Variants in ERCC6 observed in about 807,000 individuals in gnomAD.
The protein encoded by ERCC6 is DNA excision repair protein ERCC-6.
Under a neutral mutation model 158.7 loss-of-function variants are expected in ERCC6, and 116 were observed. That is an observed-to-expected ratio of 0.73 (90% confidence interval 0.63 to 0.85). The LOEUF (loss-of-function observed/expected upper bound fraction) is 0.85. Ranked by LOEUF, ERCC6 falls within the 40% of genes least tolerant of loss-of-function variation. The pLI is 0.00. For synonymous variants in ERCC6, 678 were observed against 659.3 expected, an observed-to-expected ratio of 1.03 and a Z score of -0.43; for missense variants, 1,698 against 1,799.4, an observed-to-expected ratio of 0.94 and a Z score of 1.02.
chr10:49,518,793 G>A (rs747436506), intron 5 of ERCC6, among the ~76,000 whole-genome samples: 1 of 152,198 alleles, frequency 6.6e-6, no homozygotes, highest in Non-Finnish European at 1.5e-5. Flanking sequence ...GAAGGACAAT[G>A]AAGAGTATTA....
rs1454834196 is a variant in ERCC6, at chr10:49,459,209, T to G, written c.4088A>C (p.Lys1363Thr). 1 of 1,614,170 alleles carries G rather than the reference T, an allele frequency of 6.2e-7. No homozygotes were observed. The highest frequency in any genetic ancestry group is 1.7e-5 in the Admixed American group (1 of 60,018). ...CQDGIMKKEGKDNVPEHFSGR... is the reference protein window; with the variant it reads ...CQDGIMKKEGTDNVPEHFSGR... The stretch of plus-strand genomic sequence containing the variant: ...ACTAAAATGCTCAGGGACATTATCT[T>G]TTCCCTCCTTTTTCATGATGCCATC... The change falls in exon 21 of 21, where the codon AAA becomes ACA. Residue 1363 changes from lysine (K) to threonine (T), a missense_variant. By Grantham distance (78) the Lys-to-Thr change is moderately conservative. Transcript: ENST00000355832.
intron 8 of ERCC6, among the ~76,000 whole-genome samples, chr10:49,490,133 C>T (rs2132560821): frequency 6.6e-6 from 1 of 152,268 alleles, no homozygotes; most frequent in Non-Finnish European, 1.5e-5. Context: ...TATCAGATTT[C>T]ATCATTTGGT....
At chr10:49,531,910 A>G (rs372092048) in intron 2 of ERCC6, among the ~76,000 whole-genome samples, 1 of 151,974 alleles carries the variant, frequency 6.6e-6, no homozygotes, top group African/African-American at 2.4e-5. Flanking sequence ...AACCCCTCCC[A>G]CTTCCCCTCT....
the ERCC6 span, among the ~76,000 whole-genome samples, chr10:49,437,690 G>A: frequency 2.6e-3 from 396 of 152,228 alleles, no homozygotes; most frequent in African/African-American, 9.2e-3. Context: ...TGGCTTATCT[G>A]GTTCTGAGCA....
At chr10:49,479,099 T>C (rs991076382) in intron 10 of ERCC6, among the ~76,000 whole-genome samples, 5 of 150,344 alleles carry the variant, frequency 3.3e-5, no homozygotes, top group African/African-American at 1.2e-4. Context: ...AGATGAGTAC[T>C]AAATATACGC....
chr10:49,537,487 C>CTATATATA (rs200156549), intron 1 of ERCC6, among the ~76,000 whole-genome samples: 2 of 145,066 alleles, frequency 1.4e-5, no homozygotes. Context: ...CATTTAAAAA[C>CTATATATA]TATATATATA....
chr10:49,481,471 G>A (rs1046829161), intron 10 of ERCC6, among the ~76,000 whole-genome samples: 2 of 152,024 alleles, frequency 1.3e-5, no homozygotes, highest in African/African-American at 4.8e-5. Flanking sequence ...AATCTTAAAG[G>A]TCTAAAATTC....
Position 49,530,851 on chromosome 10 carries a change from A to AG in ERCC6, c.423-12dup, listed in dbSNP as rs1564446208. On this transcript the variant is annotated splice_polypyrimidine_tract_variant and intron_variant, in intron 2 of 20. Coordinates refer to ENST00000355832, the MANE Select transcript of ERCC6 (RefSeq NM_000124.4). ...GATGTCGTACATGACCTGAAAAATAAGATAAATTGTCTATTTTGCACTCTG... is the reference window on the plus strand; with the variant it reads ...GATGTCGTACATGACCTGAAAAATAAGGATAAATTGTCTATTTTGCACTCTG... 11 of 1,612,630 alleles carry AG rather than the reference A, an allele frequency of 6.8e-6. No homozygotes were observed. The South Asian group carries it at 1.2e-4, about 18-fold the overall frequency.
chr10:49,469,896 C>T (rs539126751), intron 18 of ERCC6, among the ~76,000 whole-genome samples: 2 of 152,262 alleles, frequency 1.3e-5, no homozygotes, highest in East Asian at 1.9e-4. Context: ...AAAGTAACTG[C>T]CTACTAATGT....
At chr10:49,438,292 A>T in the ERCC6 span, among the ~76,000 whole-genome samples, 1 of 152,186 alleles carries the variant, frequency 6.6e-6, no homozygotes, top group Non-Finnish European at 1.5e-5. Flanking sequence ...ATTTAACTGG[A>T]CTTACAGTTC....
the ERCC6 span, among the ~76,000 whole-genome samples, chr10:49,437,826 A>C: frequency 6.6e-6 from 1 of 152,204 alleles, no homozygotes; most frequent in African/African-American, 2.4e-5. Context: ...GGGAAGAAAA[A>C]CATGGAAATA....
In ERCC6 at chr10:49,504,841, T is replaced by C. The variant is rs538643019; in HGVS notation, c.1526+1043A>G. 4.6e-5 allele frequency: 7 copies of C among 152,298 alleles called. No homozygotes were observed. In the South Asian group the frequency reaches 1.0e-3, roughly 23 times the overall value. The allele number at this position is 152,298 out of a possible 1,614,324, so 9.4% of individuals were successfully genotyped here. On this transcript the variant is annotated intron_variant, in intron 6 of 20. Transcript: ENST00000355832. ...TCAAGTCACTTCACATCTTTAGAGT[T>C]TGGCTTTCTATAATGTTTAGTGGGA...
At chr10:49,526,125 A>C (rs1361733608) in intron 4 of ERCC6, among the ~76,000 whole-genome samples, 1 of 13,028 alleles carries the variant, frequency 7.7e-5, no homozygotes, top group South Asian at 2.0e-3. Context: ...TTTTATATAT[A>C]TATATATATA....
chr10:49,516,347 T>C (rs774749613), intron 5 of ERCC6: 4 of 1,614,040 alleles, frequency 2.5e-6, no homozygotes, highest in African/African-American at 1.3e-5. Flanking sequence ...ATTTCATGCA[T>C]CTCTCATTAA....
At chr10:49,483,965 T>C (rs1851030839) in intron 8 of ERCC6, among the ~76,000 whole-genome samples, 2 of 151,768 alleles carry the variant, frequency 1.3e-5, no homozygotes, top group Non-Finnish European at 2.9e-5. Flanking sequence ...GAAAAGGATA[T>C]AAAAGCAATG....
chr10:49,436,437 C>T, the ERCC6 span, among the ~76,000 whole-genome samples: 1 of 152,050 alleles, frequency 6.6e-6, no homozygotes, highest in Non-Finnish European at 1.5e-5. Flanking sequence ...ATAATCTACA[C>T]TGAATCTGAA....
In ERCC6 at chr10:49,524,077, T is replaced by C; in HGVS notation, c.1353A>G (p.Arg451=). 3.1e-6 allele frequency: 5 copies of C among 1,613,886 alleles called. No homozygotes were observed. The highest frequency in any genetic ancestry group is 4.2e-6 in the Non-Finnish European group (5 of 1,180,036). The change falls in exon 5 of 21, where the codon AGA becomes AGG. Residue 451 remains arginine (R), a synonymous_variant. Transcript: ENST00000355832. ...AATCTTCATCTCCATCATCTCGGTA[T>C]CTTCCCACTTTCCGACCTCCTCCTC... ...EGGGGGRKVG[R]YRDDGDEDYY... is the part of the protein sequence containing the mutation.
the ERCC6 span, among the ~76,000 whole-genome samples, chr10:49,441,533 T>C: frequency 0.9 from 137,540 of 152,294 alleles, 62,190 homozygotes; most frequent in East Asian, 1. Context: ...TTACATTTCC[T>C]CCTCTTCCCT....
intron 7 of ERCC6, 56 bp from the exon 8 acceptor site, chr10:49,493,308 A>G (rs1851209553): frequency 3.7e-6 from 6 of 1,608,364 alleles, no homozygotes; most frequent in African/African-American, 2.7e-5. Flanking sequence ...ACAGTCATCA[A>G]CTGCTCAAAA....
Sources: allele counts gnomAD v4.1 joint callset (sites outside exome capture counted in the v4.1 genomes callset), GRCh38; gene constraint gnomAD v4.1.1; transcripts MANE v1.5; gene names NCBI Gene and HGNC (gene_info 2026-07-23, HGNC 2026-07-21).